The following RASIP1 variants were observed in gnomAD, a reference collection of about 807,000 sequenced individuals.
RASIP1 encodes the protein Ras interacting protein 1, also known as ras-interacting protein 1.
In RASIP1, 20 loss-of-function variants were observed where a neutral mutation model predicts 85.3. That is an observed-to-expected ratio of 0.23 (90% CI 0.17 to 0.34). The LOEUF (loss-of-function observed/expected upper bound fraction) is 0.34. Ranked by LOEUF, RASIP1 falls within the 10% of genes least tolerant of loss-of-function variation. RASIP1 has a pLI of 1.00. For missense variants in RASIP1, 1,170 were observed against 1,390.9 expected, an observed-to-expected ratio of 0.84 and a Z score of 2.53; for synonymous variants, 617 against 647.1, an observed-to-expected ratio of 0.95 and a Z score of 0.71.
chr19:48,724,233 A>G lies in RASIP1; in HGVS notation c.2544+104T>C. ...TGTCTGAGCTGGGGCTGGGGATGGC[A>G]TGGGGTTCAAGGGGAGCTCTGACGG... On this transcript the variant is annotated intron_variant, in intron 10 of 11. Transcript: ENST00000222145. The surrounding 1 kb of genome is among the most constrained non-coding windows in gnomAD (Gnocchi z 4.6). 1.6e-6 allele frequency: 2 copies of G among 1,247,146 alleles called. No homozygotes were observed. The highest frequency in any genetic ancestry group is 2.2e-6 in the Non-Finnish European group (2 of 899,772). 77.3% of individuals were successfully genotyped at this position (1,247,146 alleles called of 1,614,324 possible).
At chr19:48,733,318 C>T (rs955931708) in intron 4 of RASIP1, among the ~76,000 whole-genome samples, 1 of 152,172 alleles carries the variant, frequency 6.6e-6, no homozygotes, top group Non-Finnish European at 1.5e-5. Context: ...AGCCACTGTG[C>T]CCAGACAACA....
intron 5 of RASIP1, 48 bp downstream of exon 5, chr19:48,728,889 G>T: frequency 7.1e-7 from 1 of 1,403,702 alleles, no homozygotes; most frequent in South Asian, 1.5e-5. Context: ...GGCTGGAGAA[G>T]GGACTTGGGG....
At position 48,739,408 on chromosome 19, in the gene RASIP1, C is replaced by T. The variant is rs1250470758; in HGVS notation, c.375G>A (p.Pro125=). ...CGGGGGCCACGCCCGCCGCCAGCTC[C>T]GGCAGCTTCTTCTCGCTGGCCCAGC... ...AQRWASEKKL[P]ELAAGVAPEP... The change falls in exon 3 of 12, where the codon CCG becomes CCA. Residue 125 remains proline, a synonymous_variant. Coordinates refer to ENST00000222145, the MANE Select transcript of RASIP1 (RefSeq NM_017805.3). The surrounding 1 kb of genome is among the most constrained non-coding windows in gnomAD (Gnocchi z 9.2). 2.9e-6 allele frequency: 4 copies of T among 1,373,448 alleles called. No homozygotes were observed. The highest frequency in any genetic ancestry group is 1.5e-5 in the African/African-American group (1 of 65,354). 85.1% of individuals were successfully genotyped at this position (1,373,448 alleles called of 1,614,324 possible). A position where few individuals can be genotyped will look rare whatever the true frequency, so the allele number is the denominator to read the frequency against.
Position 48,724,548 on chromosome 19 carries a change from G to A in RASIP1, c.2372-39C>T. ...AGGTATGAGAGGCAGTTGGTTGGCT[G>A]GACTCTGTGCTCCTGCCTCCCAGAC... On this transcript the variant is annotated intron_variant, in intron 9 of 11. Coordinates refer to ENST00000222145, the MANE Select transcript of RASIP1 (RefSeq NM_017805.3). The surrounding 1 kb of genome is among the most constrained non-coding windows in gnomAD (Gnocchi z 4.6). The A allele has an allele frequency of 6.3e-7, 1 of 1,598,226 alleles. No homozygotes were observed. Among genetic ancestry groups the A allele is most frequent in the East Asian group, 2.2e-5 (1 of 44,638 alleles).
At chr19:48,732,152 G>A (rs2033470657) in intron 4 of RASIP1, among the ~76,000 whole-genome samples, 1 of 149,740 alleles carries the variant, frequency 6.7e-6, no homozygotes, top group African/African-American at 2.5e-5. Flanking sequence ...CTGCAGACTT[G>A]CAGACTCCAC....
intron 3 of RASIP1, chr19:48,737,682 G>A (rs2122482800): frequency 2.0e-6 from 2 of 985,256 alleles, no homozygotes; most frequent in Non-Finnish European, 2.4e-6. Flanking sequence ...GCCCTGCTCA[G>A]TAGCCACCTC....
intron 4 of RASIP1, among the ~76,000 whole-genome samples, chr19:48,730,980 G>A (rs1406238004): frequency 6.6e-6 from 1 of 152,100 alleles, no homozygotes; most frequent in African/African-American, 2.4e-5. Flanking sequence ...TCAGGCTACT[G>A]CACTCCAGCC....
In RASIP1 at chr19:48,720,884, T is replaced by C. The variant is rs139549287; in HGVS notation, c.2806A>G (p.Arg936Gly). 1.4e-4 allele frequency: 230 copies of C among 1,613,856 alleles called. No homozygotes were observed. Among genetic ancestry groups the C allele is most frequent in the Non-Finnish European group, 1.9e-4 (222 of 1,180,012 alleles). Residue 936 changes from arginine (R) to glycine (G), a missense_variant, in exon 12 of 12, where the codon AGG becomes GGG. Physicochemically the swap from Arg to Gly is moderately radical, Grantham distance 125 (BLOSUM62 -2). This residue lies in a region of RASIP1 where 144 missense variants were observed against 125.5 expected (regional missense o/e 1.15). Transcript: ENST00000222145. Reference sequence around the variant, plus strand: ...AGATCCCAGAGGAGGCGGCGGAGCCTACGGAGTTCACGGTGCAAGGCATCG... The same window carrying C: ...AGATCCCAGAGGAGGCGGCGGAGCCCACGGAGTTCACGGTGCAAGGCATCG... ...TDDALHRELR[R>G]LRRLLWDLEQ...
At chr19:48,728,845 C>T in intron 5 of RASIP1, 92 bp downstream of exon 5, 1 of 1,288,592 alleles carries the variant, frequency 7.8e-7, no homozygotes, top group South Asian at 1.8e-5. Context: ...AGTATCCAGC[C>T]CAGCTATGAA....
At chr19:48,727,218 C>A in intron 6 of RASIP1, 60 bp from the exon 7 acceptor site, 1 of 1,601,364 alleles carries the variant, frequency 6.2e-7, no homozygotes. Context: ...TTTACAAACC[C>A]CAAGATCTAA....
chr19:48,724,291 T>C lies in RASIP1; in HGVS notation c.2544+46A>G, dbSNP rs757353924. ...AATATAGAAGGTGGCTGAGGGGGGTTGAGGAGTCAGAGGTCAGGGGTCAGG... is the reference window on the plus strand; with the variant it reads ...AATATAGAAGGTGGCTGAGGGGGGTCGAGGAGTCAGAGGTCAGGGGTCAGG... On this transcript the variant is annotated intron_variant, in intron 10 of 11. Transcript: ENST00000222145. This position sits in a 1 kb window ranked among gnomAD's most constrained non-coding sequence, Gnocchi z 4.6. 6.3e-7 allele frequency: 1 copy of C among 1,579,958 alleles called. No homozygotes were observed. The highest frequency in any genetic ancestry group is 2.3e-5 in the East Asian group (1 of 44,428).
At chr19:48,728,387 G>T (rs2033379091) in intron 5 of RASIP1, among the ~76,000 whole-genome samples, 1 of 152,198 alleles carries the variant, frequency 6.6e-6, no homozygotes. Context: ...GTGCTTAGGT[G>T]AGCTCTCCTA....
Position 48,720,649 on chromosome 19 carries a change from T to G in RASIP1, c.*149A>C. ...ACATCCTAAGCCCATGCTCCCACCG[T>G]CCCATCCGCTACTTCCCGAAAACTC... On this transcript the variant is annotated 3_prime_UTR_variant, in exon 12 of 12. Transcript: ENST00000222145. 1.2e-6 allele frequency: 1 copy of G among 830,642 alleles called. No homozygotes were observed. The highest frequency in any genetic ancestry group is 1.6e-5 in the South Asian group (1 of 64,118). The allele number at this position is 830,642 out of a possible 1,614,324, so 51.5% of individuals were successfully genotyped here.
rs1439144282 is a variant in RASIP1 at position 48,735,369 on chromosome 19, G to GCCGCCC, written c.1000_1005dup (p.Gly334_Arg335dup). ...TGTCTCCGCTCCTGCTGCCGCCGCC[G>GCCGCCC]CCGCCCCTGAAGGCTAAGCTCCGAC... On this transcript the variant is annotated inframe_insertion, in exon 4 of 12. Transcript: ENST00000222145. 6.2e-7 allele frequency: 1 copy of GCCGCCC among 1,613,092 alleles called. No individual in the cohort carries two copies. The highest frequency in any genetic ancestry group is 1.3e-5 in the African/African-American group (1 of 75,034).
Position 48,729,077 on chromosome 19 carries a change from C to A in RASIP1, c.1693G>T (p.Ala565Ser). Residue 565 changes from alanine (A) to serine (S), a missense_variant, in exon 5 of 12, where the codon GCC (alanine) becomes TCC (serine). By Grantham distance (99) the Ala-to-Ser change is moderately conservative. Coordinates refer to ENST00000222145, the MANE Select transcript of RASIP1 (RefSeq NM_017805.3). ...AGGGGCGGCAGGTCTCCCGAGCCGGCGGCTGCGGCGCGCACGATCTCGCCC... is the reference window on the plus strand; with the variant it reads ...AGGGGCGGCAGGTCTCCCGAGCCGGAGGCTGCGGCGCGCACGATCTCGCCC... ...LLGEIVRAAAAGSGDLPPLGP... is the reference protein window; with the variant it reads ...LLGEIVRAAASGSGDLPPLGP... 7.3e-7 allele frequency: 1 copy of A among 1,377,852 alleles called. No individual in the cohort carries two copies. Among genetic ancestry groups the A allele is most frequent in the Non-Finnish European group, 9.3e-7 (1 of 1,075,066 alleles). 85.4% of individuals were successfully genotyped at this position (1,377,852 alleles called of 1,614,324 possible). A position where few individuals can be genotyped will look rare whatever the true frequency, so the allele number is the denominator to read the frequency against.
chr19:48,729,706 CTTCTTTTTT>C (rs2033415144), intron 4 of RASIP1, 116 bp from the exon 5 acceptor site: 56 of 594,032 alleles, frequency 9.4e-5, no homozygotes, highest in South Asian at 1.0e-4. Context: ...TTTCCTTCTT[CTTCTTTTTT>C]TTTTTTTTTT....
intron 3 of RASIP1, among the ~76,000 whole-genome samples, chr19:48,736,359 T>C (rs1231282): frequency 0.92 from 139,775 of 151,646 alleles, 64,572 homozygotes; most frequent in Middle Eastern, 0.98. Context: ...GCCGAGATCG[T>C]GCCACTGCAC....
rs1170151510 is a variant in RASIP1, at chr19:48,729,025, C to T, written c.1745G>A (p.Cys582Tyr). The change falls in exon 5 of 12, where the codon TGC (cysteine) becomes TAC (tyrosine). Residue 582 changes from cysteine (C) to tyrosine (Y), a missense_variant. Cys to Tyr is a radical substitution (Grantham distance 194). This residue lies in a region of RASIP1 where 426 missense variants were observed against 576.2 expected (regional missense o/e 0.74). Coordinates refer to ENST00000222145, the MANE Select transcript of RASIP1 (RefSeq NM_017805.3). ...CAGCTCACGGGCGGAATGCTGCACG[C>T]ACAGCGCCAGCAGCGTGGCGGGCCC... ...PLGPATLLAL[C>Y]VQHSARELEL... is the part of the protein sequence containing the mutation. The T allele has an allele frequency of 7.0e-7, 1 of 1,434,380 alleles. No individual in the cohort carries two copies. Among genetic ancestry groups the T allele is most frequent in the Non-Finnish European group, 9.1e-7 (1 of 1,102,926 alleles). The allele number at this position is 1,434,380 out of a possible 1,614,324, so 88.9% of individuals were successfully genotyped here. A position where few individuals can be genotyped will look rare whatever the true frequency, so the allele number is the denominator to read the frequency against.
In RASIP1 at chr19:48,739,791, G is replaced by A. The variant is rs2033638878; in HGVS notation, c.138-146C>T. The A allele has an allele frequency of 2.8e-6, 2 of 716,384 alleles. No homozygotes were observed. The highest frequency in any genetic ancestry group is 2.8e-5 in the South Asian group (1 of 35,336). 44.4% of individuals were successfully genotyped at this position (716,384 alleles called of 1,614,324 possible). ...GGTGGATGGACGGGGCGGGGGTGAG[G>A]GTGGGGACAGACGCGAGGCAAAGAG... On this transcript the variant is annotated intron_variant, in intron 2 of 11. Transcript: ENST00000222145. The surrounding 1 kb of genome is among the most constrained non-coding windows in gnomAD (Gnocchi z 9.2).
Sources: gnomAD v4.1 joint callset for allele counts (sites outside exome capture counted in the v4.1 genomes callset) on GRCh38, gnomAD v4.1.1 for gene constraint, gnomAD v4.1.1 regional missense constraint, Gnocchi (gnomAD v3.1) non-coding constraint, MANE v1.5 for transcripts, NCBI Gene and HGNC (gene_info 2026-07-23, HGNC 2026-07-21) for gene names.